Variants in AMPD3 observed in about 807,000 individuals in gnomAD.
AMPD3 encodes the protein adenosine monophosphate deaminase 3.
Under a neutral mutation model 82.3 loss-of-function variants are expected in AMPD3, and 57 were observed. That is an observed-to-expected ratio of 0.69 (90% CI 0.56 to 0.86). The LOEUF is 0.86. AMPD3 is among the 40% of genes least tolerant of loss of function. The pLI, the probability that AMPD3 is intolerant of heterozygous loss-of-function variation, is 0.00. For missense variants in AMPD3, 870 were observed against 1,003.8 expected (o/e 0.87, Z 1.80); for synonymous variants, 381 against 394.7 (o/e 0.97, Z 0.41).
At chr11:10,463,428 T>C (rs999002761) in intron 2 of AMPD3, among the ~76,000 whole-genome samples, 1 of 152,174 alleles carries the variant, frequency 6.6e-6, no homozygotes, top group African/African-American at 2.4e-5. Context: ...AGCAGTGTGC[T>C]CATCCCTGGA....
chr11:10,480,002 G>C, intron 3 of AMPD3: 1 of 982,602 alleles, frequency 1.0e-6, no homozygotes, highest in South Asian at 4.7e-5. Context: ...AGCAAGAGTC[G>C]AGGTGGGTCG....
chr11:10,473,659 A>G lies in AMPD3; in HGVS notation c.222-4867A>G, dbSNP rs570193536. 17 of 944,454 alleles carry G rather than the reference A, an allele frequency of 1.8e-5. No homozygotes were observed. The Admixed American group carries it at 9.2e-4, about 51-fold the overall frequency. The allele number at this position is 944,454 out of a possible 1,614,324, so 58.5% of individuals were successfully genotyped here. A position where few individuals can be genotyped will look rare whatever the true frequency, so the allele number is the denominator to read the frequency against. ...CTCTGTGCGCCCCTGCTCTCTCTGT[A>G]GGGACCCCTGTTATAGTGCCCATCG... On this transcript the variant is annotated intron_variant, in intron 2 of 14. Transcript: ENST00000396553.
At chr11:10,496,185 G>T (rs1849394601) in intron 9 of AMPD3, 1 of 981,714 alleles carries the variant, frequency 1.0e-6, no homozygotes, top group African/African-American at 1.7e-5. Context: ...AAAATGCTGG[G>T]ATTACAGGTG....
intron 2 of AMPD3, among the ~76,000 whole-genome samples, chr11:10,465,866 C>T (rs1285547928): frequency 2.0e-5 from 3 of 150,508 alleles, no homozygotes; most frequent in African/African-American, 7.4e-5. Flanking sequence ...GCCTGGAGCG[C>T]CAGCAAGACA....
intron 9 of AMPD3, 33 bp from the exon 10 acceptor site, chr11:10,496,779 C>T: frequency 6.2e-7 from 1 of 1,614,042 alleles, no homozygotes; most frequent in Non-Finnish European, 8.5e-7. Flanking sequence ...GCTGTTGGAT[C>T]CACCTGACAA....
upstream of AMPD3, among the ~76,000 whole-genome samples, chr11:10,453,841 G>A (rs1848020191): frequency 6.6e-6 from 1 of 151,818 alleles, no homozygotes; most frequent in East Asian, 1.9e-4. Flanking sequence ...CCTGCCTCGG[G>A]CTCCCAAAGT....
chr11:10,450,448 C>T, upstream of AMPD3: 1 of 985,822 alleles, frequency 1.0e-6, no homozygotes, highest in African/African-American at 1.7e-5. Flanking sequence ...GAGCAAGTCA[C>T]CTGTGCGGGG....
intron 11 of AMPD3, 68 bp downstream of exon 11, chr11:10,500,317 GCA>G (rs1173372485): frequency 3.2e-6 from 5 of 1,560,648 alleles, no homozygotes; most frequent in Non-Finnish European, 4.4e-6. Flanking sequence ...GCACACACAT[GCA>G]CACACACATG....
chr11:10,485,181 T>A, intron 5 of AMPD3, 142 bp downstream of exon 5: 1 of 778,202 alleles, frequency 1.3e-6, no homozygotes, highest in Non-Finnish European at 2.1e-6. Flanking sequence ...CTTTCCTCAG[T>A]GCTTTGCGGG....
At chr11:10,477,405 A>C (rs1463021563) in intron 2 of AMPD3, among the ~76,000 whole-genome samples, 3 of 152,212 alleles carry the variant, frequency 2.0e-5, no homozygotes, top group Non-Finnish European at 4.4e-5. Flanking sequence ...CACTGGGGGC[A>C]GACAGAAACA....
chr11:10,501,070 A>G (rs1849565780), intron 11 of AMPD3: 1 of 985,392 alleles, frequency 1.0e-6, no homozygotes, highest in Non-Finnish European at 1.2e-6. Flanking sequence ...GTTCAGTGGC[A>G]TGGAACATAG....
intron 2 of AMPD3, among the ~76,000 whole-genome samples, chr11:10,471,949 A>G (rs1317016705): frequency 3.3e-5 from 5 of 152,242 alleles, no homozygotes; most frequent in Non-Finnish European, 2.9e-5. Flanking sequence ...ATTACTGGGT[A>G]TATACCCAAA....
At chr11:10,497,619 T>G in intron 10 of AMPD3, 1 of 985,418 alleles carries the variant, frequency 1.0e-6, no homozygotes, top group Non-Finnish European at 1.2e-6. Flanking sequence ...TGAGTCTGTG[T>G]GCCCAGAAAG....
At chr11:10,484,317 T>G in intron 4 of AMPD3, 13 of 985,370 alleles carry the variant, frequency 1.3e-5, no homozygotes, top group Non-Finnish European at 1.4e-5. Flanking sequence ...CCTTTGCTCC[T>G]TTGGGGAGGG....
intron 11 of AMPD3, 87 bp from the exon 12 acceptor site, chr11:10,501,383 C>CG (rs1849575372): frequency 6.4e-7 from 1 of 1,567,212 alleles, no homozygotes; most frequent in Non-Finnish European, 8.7e-7. Context: ...TCATTCCCCC[C>CG]GGAGCTGGCC....
intron 7 of AMPD3, chr11:10,494,497 G>A (rs1849331970): frequency 3.3e-6 from 3 of 897,590 alleles, no homozygotes; most frequent in Admixed American, 7.2e-5. Flanking sequence ...TGTTGTACAT[G>A]CTTTATTAGA....
intron 2 of AMPD3, among the ~76,000 whole-genome samples, chr11:10,468,566 T>C (rs944343467): frequency 3.3e-5 from 5 of 152,146 alleles, no homozygotes; most frequent in Non-Finnish European, 7.3e-5. Context: ...CACACAATAA[T>C]AATGGGAGAC....
In AMPD3 at chr11:10,505,866, C is replaced by T. The variant is rs766657663; in HGVS notation, c.2286C>T (p.Ile762=). 1.9e-6 allele frequency: 3 copies of T among 1,614,162 alleles called. No homozygotes were observed. The East Asian group carries it at 6.7e-5, about 36-fold the overall frequency. ...FLSDAMKSEE[I]TALTN ...CTGATGCTATGAAATCAGAAGAGAT[C>T]ACCGCCTTGACCAACTAGGTCCAGC... The change falls in exon 15 of 15, where the codon ATC becomes ATT. Residue 762 remains isoleucine (I), a synonymous_variant. Coordinates refer to ENST00000396553, the MANE Select transcript of AMPD3 (RefSeq NM_001025389.2).
chr11:10,466,353 G>T (rs1317036483), intron 2 of AMPD3, among the ~76,000 whole-genome samples: 1 of 152,114 alleles, frequency 6.6e-6, no homozygotes, highest in Admixed American at 6.5e-5. Flanking sequence ...AGCTTCGTAG[G>T]GGGAGGGTCG....
Sources: allele counts gnomAD v4.1 joint callset (sites outside exome capture counted in the v4.1 genomes callset), GRCh38; gene constraint gnomAD v4.1.1; transcripts MANE v1.5; gene names NCBI Gene and HGNC (gene_info 2026-07-23, HGNC 2026-07-21).